The following TSPAN5 variants were observed in gnomAD, a reference collection of about 807,000 sequenced individuals.
TSPAN5 encodes the protein tetraspanin 5.
A neutral mutation model predicts 37.1 loss-of-function variants in TSPAN5; 10 were observed. The observed-to-expected ratio is 0.27, with a 90% CI of 0.17 to 0.46. The LOEUF (loss-of-function observed/expected upper bound fraction) is 0.46. TSPAN5 is among the 20% of genes least tolerant of loss of function. TSPAN5 has a pLI of 1.00. For missense variants in TSPAN5, 195 were observed against 326.6 expected (o/e 0.60, Z 3.11); for synonymous variants, 110 against 118.9 (o/e 0.93, Z 0.48).
At chr4:98,579,066 G>A (rs547502935) in intron 1 of TSPAN5, among the ~76,000 whole-genome samples, 1 of 152,194 alleles carries the variant, frequency 6.6e-6, no homozygotes, top group African/African-American at 2.4e-5. Flanking sequence ...GCTGGATGGG[G>A]GGCTCTGGTG....
chr4:98,618,772 G>A (rs144730850), intron 1 of TSPAN5, among the ~76,000 whole-genome samples: 11 of 152,276 alleles, frequency 7.2e-5, no homozygotes, highest in African/African-American at 2.6e-4. Flanking sequence ...TTAGTAAGCA[G>A]CAATCACCTT....
rs142527701 is a variant in TSPAN5 at position 98,548,886 on chromosome 4, GGTGT to G, written c.82-41162_82-41159del. On this transcript the variant is annotated intron_variant, in intron 1 of 7. Transcript: ENST00000305798. ...TTTTTATCGCTGCATAGTATTCCAA[GGTGT>G]GTGTGTGTGTGTGTGTGTGTGTGTG... 3.1e-3 allele frequency among the ~76,000 whole-genome samples: 180 copies of G among 57,448 alleles called. 2 individuals are homozygous for G. The highest frequency in any genetic ancestry group is 0.015 in the South Asian group (14 of 946). 37.7% of individuals were successfully genotyped at this position (57,448 alleles called of 152,430 possible).
intron 1 of TSPAN5, among the ~76,000 whole-genome samples, chr4:98,642,291 A>AT (rs748581502): frequency 1.2e-4 from 19 of 152,224 alleles, no homozygotes; most frequent in Non-Finnish European, 2.4e-4. Flanking sequence ...AATTCCACAG[A>AT]AACAACACTT....
At chr4:98,578,909 A>G (rs1463416098) in intron 1 of TSPAN5, among the ~76,000 whole-genome samples, 1 of 152,110 alleles carries the variant, frequency 6.6e-6, no homozygotes, top group Non-Finnish European at 1.5e-5. Flanking sequence ...CCCACTACAC[A>G]TGCCAACTGA....
intron 1 of TSPAN5, among the ~76,000 whole-genome samples, chr4:98,595,637 C>G (rs1755745829): frequency 7.4e-6 from 1 of 134,658 alleles, no homozygotes. Flanking sequence ...TATGTGGTGT[C>G]TTTGCTCTCG....
chr4:98,575,055 C>A, intron 1 of TSPAN5: 1 of 53,974 alleles, frequency 1.9e-5, no homozygotes, highest in Non-Finnish European at 4.4e-5. Flanking sequence ...CCAGAGCCAG[C>A]ACGCTGAGTG....
intron 2 of TSPAN5, among the ~76,000 whole-genome samples, chr4:98,494,683 C>G (rs1753159907): frequency 1.3e-5 from 2 of 151,856 alleles, no homozygotes; most frequent in Admixed American, 1.3e-4. Flanking sequence ...ATTATTAGAA[C>G]AAGAAGAAGA....
chr4:98,492,107 T>C (rs1753098602), intron 2 of TSPAN5, among the ~76,000 whole-genome samples: 1 of 152,106 alleles, frequency 6.6e-6, no homozygotes, highest in African/African-American at 2.4e-5. Flanking sequence ...TTTCACTCCA[T>C]GACCCCTCAG....
chr4:98,650,918 T>C (rs1376224044), intron 1 of TSPAN5, among the ~76,000 whole-genome samples: 1 of 152,166 alleles, frequency 6.6e-6, no homozygotes, highest in Non-Finnish European at 1.5e-5. Context: ...TTAAATAAAG[T>C]AATGACAGTA....
rs978914093 is a variant in TSPAN5, at chr4:98,592,406, A to G, written c.81+65740T>C. ...CAATCAGAAAGGGCCTGGTTTACCT[A>G]ACTAAGGGATCTCTGTTTTTTGTTT... On this transcript the variant is annotated intron_variant, in intron 1 of 7. Coordinates refer to ENST00000305798, the MANE Select transcript of TSPAN5 (RefSeq NM_005723.4). Among the ~76,000 whole-genome samples the G allele has an allele frequency of 2.0e-5, 3 of 148,032 alleles. No individual in the cohort carries two copies. The South Asian group carries it at 6.6e-4, about 32-fold the overall frequency.
chr4:98,613,980 C>T (rs73832364), intron 1 of TSPAN5, among the ~76,000 whole-genome samples: 2,258 of 152,184 alleles, frequency 0.015, 43 homozygotes, highest in African/African-American at 0.052. Flanking sequence ...TCCCTTGCAT[C>T]ACTTTATCCT....
At chr4:98,501,858 C>G (rs1045965308) in intron 2 of TSPAN5, among the ~76,000 whole-genome samples, 14 of 152,156 alleles carry the variant, frequency 9.2e-5, no homozygotes, top group African/African-American at 3.4e-4. Flanking sequence ...AAGGATCACT[C>G]CAGCTGCTGC....
intron 2 of TSPAN5, among the ~76,000 whole-genome samples, chr4:98,499,500 C>T (rs1436295790): frequency 2.6e-5 from 4 of 152,158 alleles, no homozygotes; most frequent in African/African-American, 9.7e-5. Context: ...ATTTTCATCC[C>T]TAAGAAACCC....
At chr4:98,589,881 C>A (rs536273950) in intron 1 of TSPAN5, among the ~76,000 whole-genome samples, 1 of 152,222 alleles carries the variant, frequency 6.6e-6, no homozygotes, top group South Asian at 2.1e-4. Flanking sequence ...GGGTTTTTCT[C>A]CCCTTTTTCT....
chr4:98,565,152 G>A (rs897204657), intron 1 of TSPAN5, among the ~76,000 whole-genome samples: 1 of 152,128 alleles, frequency 6.6e-6, no homozygotes, highest in Admixed American at 6.5e-5. Flanking sequence ...TGACTGCTAT[G>A]AACAAGGGGA....
At chr4:98,623,878 T>G (rs1184459208) in intron 1 of TSPAN5, among the ~76,000 whole-genome samples, 1 of 152,202 alleles carries the variant, frequency 6.6e-6, no homozygotes, top group African/African-American at 2.4e-5. Context: ...TCACGTACTT[T>G]GAAAAGTTCA....
At chr4:98,631,909 G>C (rs1246052614) in intron 1 of TSPAN5, among the ~76,000 whole-genome samples, 1 of 152,162 alleles carries the variant, frequency 6.6e-6, no homozygotes, top group Non-Finnish European at 1.5e-5. Flanking sequence ...TTCACTGTTA[G>C]TAATTCAACA....
intron 1 of TSPAN5, among the ~76,000 whole-genome samples, chr4:98,535,528 A>G (rs1307793727): frequency 6.6e-6 from 1 of 152,098 alleles, no homozygotes; most frequent in Non-Finnish European, 1.5e-5. Flanking sequence ...GCTCTTCTCA[A>G]GGAGTATCTT....
chr4:98,649,290 T>A (rs1436746254), intron 1 of TSPAN5, among the ~76,000 whole-genome samples: 1 of 152,128 alleles, frequency 6.6e-6, no homozygotes, highest in Non-Finnish European at 1.5e-5. Flanking sequence ...CCCACCCACA[T>A]ACGCCTCAAG....
Sources: allele counts gnomAD v4.1 joint callset (sites outside exome capture counted in the v4.1 genomes callset), GRCh38; gene constraint gnomAD v4.1.1; transcripts MANE v1.5; gene names NCBI Gene and HGNC (gene_info 2026-07-23, HGNC 2026-07-21).